ENDOD1: variants seen among roughly 807,000 people sequenced by gnomAD.
The protein encoded by ENDOD1 is endonuclease domain-containing 1 protein.
ENDOD1 carries 9 observed loss-of-function variants against 6.5 expected under a neutral mutation model. The observed-to-expected ratio is 1.39, with a 90% CI of 0.84 to 2.43. The LOEUF is 2.43. Among genes scored for constraint, ENDOD1 ranks in the 30% most tolerant of loss-of-function variants. ENDOD1 has a pLI of 0.00. For missense variants in ENDOD1, 648 were observed against 635.5 expected, an observed-to-expected ratio of 1.02 and a Z score of -0.21; for synonymous variants, 255 against 255.2, an observed-to-expected ratio of 1.00 and a Z score of 0.01.
intron 1 of ENDOD1, among the ~76,000 whole-genome samples, chr11:95,112,503 A>G (rs1435524481): frequency 2.0e-5 from 3 of 152,204 alleles, no homozygotes; most frequent in African/African-American, 7.2e-5. Context: ...GGGATGCAAC[A>G]ATGTTTTTGA....
chr11:95,123,470 T>C (rs1859282067), intron 1 of ENDOD1, among the ~76,000 whole-genome samples: 1 of 151,928 alleles, frequency 6.6e-6, no homozygotes, highest in African/African-American at 2.4e-5. Flanking sequence ...TGAGAGTCCC[T>C]GTAGCCCATT....
chr11:95,113,989 T>G (rs1389384321), intron 1 of ENDOD1, among the ~76,000 whole-genome samples: 2 of 152,226 alleles, frequency 1.3e-5, no homozygotes, highest in African/African-American at 4.8e-5. Flanking sequence ...GATATCTCAT[T>G]GTAGTTGTGA....
intron 1 of ENDOD1, among the ~76,000 whole-genome samples, chr11:95,125,550 A>G (rs912925704): frequency 2.0e-5 from 3 of 151,850 alleles, no homozygotes; most frequent in Admixed American, 6.6e-5. Context: ...CCATTAACTC[A>G]TCATTTAGCA....
intron 1 of ENDOD1, among the ~76,000 whole-genome samples, chr11:95,092,933 C>T (rs1358849865): frequency 1.3e-5 from 2 of 152,178 alleles, no homozygotes; most frequent in African/African-American, 2.4e-5. Flanking sequence ...AGAGGACCCG[C>T]ACACAGGGGA....
chr11:95,102,368 TAA>T (rs34465864), intron 1 of ENDOD1, among the ~76,000 whole-genome samples: 21 of 128,952 alleles, frequency 1.6e-4, no homozygotes, highest in Non-Finnish European at 1.7e-4. Flanking sequence ...CTTTCCTGCT[TAA>T]AAAAAAAAAA....
chr11:95,091,869 T>C (rs1858934825), intron 1 of ENDOD1, among the ~76,000 whole-genome samples: 1 of 152,134 alleles, frequency 6.6e-6, no homozygotes. Flanking sequence ...GTTGCTCCAC[T>C]GACTAGCTAT....
chr11:95,090,012 G>T lies in ENDOD1; in HGVS notation c.85G>T (p.Ala29Ser). 1 of 1,579,534 alleles carries T rather than the reference G, an allele frequency of 6.3e-7. No homozygotes were observed. Among genetic ancestry groups the T allele is most frequent in the African/African-American group, 1.4e-5 (1 of 72,866 alleles). Residue 29 changes from alanine (A) to serine (S), a missense_variant, in exon 1 of 2, where the codon GCC (alanine) becomes TCC (serine). Transcript: ENST00000278505. ...LEGRLVGEEE[A>S]GFGECDKFFY... ...AGGCCGGCTCGTGGGCGAGGAGGAA[G>T]CCGGCTTTGGCGAATGTGACAAGTT...
intron 1 of ENDOD1, among the ~76,000 whole-genome samples, chr11:95,117,069 T>C (rs1859215877): frequency 6.6e-6 from 1 of 152,254 alleles, no homozygotes; most frequent in Non-Finnish European, 1.5e-5. Flanking sequence ...TAGAAATCTT[T>C]AGCTATTGTT....
intron 1 of ENDOD1, among the ~76,000 whole-genome samples, chr11:95,102,903 G>T (rs969084177): frequency 6.6e-6 from 1 of 152,174 alleles, no homozygotes; most frequent in African/African-American, 2.4e-5. Context: ...ACAGGCTGTG[G>T]ACTTTCCCAG....
At chr11:95,124,991 G>A (rs1859297700) in intron 1 of ENDOD1, among the ~76,000 whole-genome samples, 1 of 151,980 alleles carries the variant, frequency 6.6e-6, no homozygotes, top group Admixed American at 6.6e-5. Flanking sequence ...TCTCTCATTT[G>A]CTTCCCTTTT....
At position 95,128,918 on chromosome 11, in the gene ENDOD1, A is replaced by G; in HGVS notation, c.842A>G (p.Lys281Arg). ...GAGCAAGACACAGAGAAAATGAAAA[A>G]AATCCTGGAAGTGGTTAACCAAATC... Reference protein sequence around the residue: ...ETEQDTEKMKKILEVVNQIQD... With the variant: ...ETEQDTEKMKRILEVVNQIQD... The change falls in exon 2 of 2, where the codon AAA (lysine) becomes AGA (arginine). Residue 281 changes from lysine to arginine, a missense_variant. Lys to Arg is a conservative substitution (Grantham distance 26). Transcript: ENST00000278505. The G allele has an allele frequency of 4.3e-6, 7 of 1,614,166 alleles. No homozygotes were observed. The highest frequency in any genetic ancestry group is 5.9e-6 in the Non-Finnish European group (7 of 1,180,012).
At position 95,132,233 on chromosome 11, in the gene ENDOD1, C is replaced by G. The variant is rs763352819; in HGVS notation, c.*2654C>G. On this transcript the variant is annotated 3_prime_UTR_variant, in exon 2 of 2. Transcript: ENST00000278505. ...TGGACACTTCTCTTTTCCATTGTGC[C>G]TTTTGAATGTTGTCTTCTCACTCAG... The G allele has an allele frequency of 6.6e-6, 1 of 152,662 alleles. No individual in the cohort carries two copies. Among genetic ancestry groups the G allele is most frequent in the African/African-American group, 2.4e-5 (1 of 41,452 alleles). 9.5% of individuals were successfully genotyped at this position (152,662 alleles called of 1,614,324 possible). A position where few individuals can be genotyped will look rare whatever the true frequency, so the allele number is the denominator to read the frequency against.
chr11:95,105,835 A>G (rs1459295543), intron 1 of ENDOD1, among the ~76,000 whole-genome samples: 3 of 152,214 alleles, frequency 2.0e-5, no homozygotes, highest in Non-Finnish European at 4.4e-5. Flanking sequence ...TGTGGAATCC[A>G]TGGATGCAGA....
chr11:95,107,864 A>C (rs117666064), intron 1 of ENDOD1, among the ~76,000 whole-genome samples: 2,407 of 152,136 alleles, frequency 0.016, 39 homozygotes, highest in Middle Eastern at 0.027. Context: ...GGTTTAGTAG[A>C]GACCGTGTTA....
intron 1 of ENDOD1, among the ~76,000 whole-genome samples, chr11:95,128,050 G>A (rs963582441): frequency 6.6e-5 from 10 of 152,316 alleles, no homozygotes; most frequent in Middle Eastern, 3.4e-3. Flanking sequence ...GTGAGCCACC[G>A]CACCTGGCCC....
intron 1 of ENDOD1, 77 bp downstream of exon 1, chr11:95,090,304 C>T: frequency 7.4e-7 from 1 of 1,342,596 alleles, no homozygotes; most frequent in Non-Finnish European, 9.5e-7. Flanking sequence ...TTGCAGCTAC[C>T]GCGAGGGGCG....
In ENDOD1 at chr11:95,090,003, G is replaced by C; in HGVS notation, c.76G>C (p.Glu26Gln). 1.3e-6 allele frequency: 2 copies of C among 1,570,592 alleles called. No homozygotes were observed. The highest frequency in any genetic ancestry group is 1.7e-6 in the Non-Finnish European group (2 of 1,160,520). The change falls in exon 1 of 2, where the codon GAG becomes CAG. Residue 26 changes from glutamate (E) to glutamine (Q), a missense_variant. Transcript: ENST00000278505. Reference sequence around the variant, plus strand: ...GCTGCTGGAAGGCCGGCTCGTGGGCGAGGAGGAAGCCGGCTTTGGCGAATG... The same window carrying C: ...GCTGCTGGAAGGCCGGCTCGTGGGCCAGGAGGAAGCCGGCTTTGGCGAATG... The part of the protein sequence containing the change: ...AGLLEGRLVG[E>Q]EEAGFGECDK...
chr11:95,098,054 G>A (rs1859003464), intron 1 of ENDOD1, among the ~76,000 whole-genome samples: 1 of 152,092 alleles, frequency 6.6e-6, no homozygotes, highest in Non-Finnish European at 1.5e-5. Flanking sequence ...TCTGAAATCT[G>A]AAATGCTTTA....
At chr11:95,098,753 A>G (rs1859010626) in intron 1 of ENDOD1, among the ~76,000 whole-genome samples, 1 of 151,826 alleles carries the variant, frequency 6.6e-6, no homozygotes, top group Non-Finnish European at 1.5e-5. Context: ...AATAGGTACT[A>G]TTATTATCCT....
Sources: gnomAD v4.1 joint callset for allele counts (sites outside exome capture counted in the v4.1 genomes callset) on GRCh38, gnomAD v4.1.1 for gene constraint, MANE v1.5 for transcripts, NCBI Gene and HGNC (gene_info 2026-07-23, HGNC 2026-07-21) for gene names.